The following GABRB2 variants were observed in gnomAD, a reference collection of about 807,000 sequenced individuals.
GABRB2 encodes the protein gamma-aminobutyric acid type A receptor subunit beta2, also known as gamma-aminobutyric acid receptor subunit beta-2.
Under a neutral mutation model 54.7 loss-of-function variants are expected in GABRB2, and 16 were observed. The ratio of observed to expected loss-of-function variants is 0.29; its 90% confidence interval spans 0.20 to 0.44. The LOEUF is 0.44. Ranked by LOEUF, GABRB2 falls within the 20% of genes least tolerant of loss-of-function variation. The pLI is 1.00. For missense variants in GABRB2, 355 were observed against 644.0 expected (o/e 0.55, Z 4.86); for synonymous variants, 244 against 233.8 (o/e 1.04, Z -0.40).
intron 3 of GABRB2, among the ~76,000 whole-genome samples, chr5:161,533,056 T>C (rs1346625803): frequency 6.6e-6 from 1 of 152,118 alleles, no homozygotes; most frequent in Non-Finnish European, 1.5e-5. Flanking sequence ...CATTTCATCT[T>C]CAATTGCCCA....
rs550722055 is a variant in GABRB2 at position 161,544,406 on chromosome 5, G to A, written c.237+821C>T. 2.6e-5 allele frequency among the ~76,000 whole-genome samples: 4 copies of A among 152,226 alleles called. No individual in the cohort carries two copies. The South Asian group carries it at 8.3e-4, about 32-fold the overall frequency. On this transcript the variant is annotated intron_variant, in intron 3 of 9. Transcript: ENST00000393959. ...GCCCCCAAGTATGTGGGGGCGTCTG[G>A]GACGCTTGTCATCGCATTGCATGTC... is the stretch of plus-strand genomic sequence containing the variant.
chr5:161,463,158 T>A (rs1373917358), intron 3 of GABRB2, among the ~76,000 whole-genome samples: 2 of 151,920 alleles, frequency 1.3e-5, no homozygotes, highest in South Asian at 2.1e-4. Context: ...CAACTAAAAA[T>A]TCTGGACGAA....
intron 5 of GABRB2, among the ~76,000 whole-genome samples, chr5:161,342,330 C>G (rs1431413219): frequency 6.6e-6 from 1 of 151,926 alleles, no homozygotes; most frequent in Non-Finnish European, 1.5e-5. Context: ...CACATACCCT[C>G]CATTTGTATT....
chr5:161,327,353 T>A (rs1758397793), intron 8 of GABRB2, among the ~76,000 whole-genome samples: 1 of 152,194 alleles, frequency 6.6e-6, no homozygotes, highest in Non-Finnish European at 1.5e-5. Context: ...TGGAATTAGC[T>A]TTTCAGTTTT....
intron 3 of GABRB2, among the ~76,000 whole-genome samples, chr5:161,523,088 C>A (rs1052503890): frequency 6.6e-6 from 1 of 150,542 alleles, no homozygotes; most frequent in Non-Finnish European, 1.5e-5. Context: ...ATATTCATAC[C>A]CAAATTATTC....
At chr5:161,345,318 CAG>C (rs1352538645) in intron 5 of GABRB2, among the ~76,000 whole-genome samples, 3 of 151,844 alleles carry the variant, frequency 2.0e-5, no homozygotes, top group Non-Finnish European at 4.4e-5. Context: ...AAAACCAAAA[CAG>C]AATAAAAAAA....
chr5:161,442,987 T>G (rs2097249667), intron 4 of GABRB2, among the ~76,000 whole-genome samples: 1 of 152,130 alleles, frequency 6.6e-6, no homozygotes, highest in Non-Finnish European at 1.5e-5. Context: ...ACATTCACGT[T>G]CAGTACCTGG....
chr5:161,307,069 C>A (rs1442949230), intron 9 of GABRB2, among the ~76,000 whole-genome samples: 1 of 152,126 alleles, frequency 6.6e-6, no homozygotes, highest in Admixed American at 6.5e-5. Context: ...TTGAATAGAA[C>A]CAAGGGATTT....
At chr5:161,338,410 C>T (rs534840497) in intron 5 of GABRB2, among the ~76,000 whole-genome samples, 6 of 152,252 alleles carry the variant, frequency 3.9e-5, no homozygotes, top group Admixed American at 1.3e-4. Flanking sequence ...ACTGATTATA[C>T]GTCAGCAATA....
intron 3 of GABRB2, among the ~76,000 whole-genome samples, chr5:161,497,530 ATGTGTG>A (rs71587162): frequency 3.3e-4 from 48 of 147,394 alleles, no homozygotes; most frequent in African/African-American, 1.2e-3. Context: ...GTGTGTGTAT[ATGTGTG>A]TGTGTGTGTG....
chr5:161,354,356 T>C (rs1353000047), intron 5 of GABRB2, among the ~76,000 whole-genome samples: 1 of 152,058 alleles, frequency 6.6e-6, no homozygotes, highest in Non-Finnish European at 1.5e-5. Context: ...TTATATATTC[T>C]TAGATATGGG....
intron 3 of GABRB2, among the ~76,000 whole-genome samples, chr5:161,529,399 C>A (rs1361879710): frequency 6.6e-6 from 1 of 151,960 alleles, no homozygotes; most frequent in Non-Finnish European, 1.5e-5. Context: ...TTCACATTTT[C>A]TTTCCCTTAA....
At chr5:161,335,265 G>C (rs1266382173) in intron 6 of GABRB2, among the ~76,000 whole-genome samples, 1 of 152,092 alleles carries the variant, frequency 6.6e-6, no homozygotes, top group Non-Finnish European at 1.5e-5. Context: ...TCTTATGTGA[G>C]AGTGAGGCTG....
At chr5:161,500,712 G>C (rs1240126983) in intron 3 of GABRB2, among the ~76,000 whole-genome samples, 3 of 152,146 alleles carry the variant, frequency 2.0e-5, no homozygotes, top group Non-Finnish European at 4.4e-5. Flanking sequence ...TTATTGATAA[G>C]TGAATTCCAT....
rs190578466 is a variant in GABRB2, at chr5:161,307,430, A to T, written c.1192-13002T>A. ...CACATTTTGTAGATGGTCTTTTGAA[A>T]GTAGCATCCTGAATTCCAGTGTAGA... On this transcript the variant is annotated intron_variant, in intron 9 of 9. Coordinates refer to ENST00000393959, the MANE Select transcript of GABRB2 (RefSeq NM_001371727.1). 2.3e-3 allele frequency among the ~76,000 whole-genome samples: 356 copies of T among 152,334 alleles called. 1 individual carries two copies. The highest frequency in any genetic ancestry group is 3.9e-3 in the Admixed American group (60 of 15,300).
At chr5:161,484,917 A>C (rs1182290662) in intron 3 of GABRB2, among the ~76,000 whole-genome samples, 3 of 151,958 alleles carry the variant, frequency 2.0e-5, no homozygotes, top group Non-Finnish European at 4.4e-5. Context: ...CATAGGGTTC[A>C]AACTTCTTAG....
At chr5:161,430,360 T>C (rs1371049804) in intron 4 of GABRB2, among the ~76,000 whole-genome samples, 5 of 152,192 alleles carry the variant, frequency 3.3e-5, no homozygotes, top group African/African-American at 1.2e-4. Context: ...CAGCCTTAAA[T>C]AATGTAGCAG....
intron 3 of GABRB2, among the ~76,000 whole-genome samples, chr5:161,498,354 T>A (rs1187406642): frequency 2.6e-5 from 4 of 152,222 alleles, no homozygotes; most frequent in East Asian, 1.9e-4. Flanking sequence ...TCTTTAGTTT[T>A]TTTTTTTTAG....
chr5:161,320,233 T>G (rs565459643), intron 9 of GABRB2, among the ~76,000 whole-genome samples: 2 of 152,028 alleles, frequency 1.3e-5, no homozygotes, highest in South Asian at 4.1e-4. Flanking sequence ...TAAAATTACT[T>G]GCTAGAAAGA....
Sources: gnomAD v4.1 joint callset for allele counts (sites outside exome capture counted in the v4.1 genomes callset) on GRCh38, gnomAD v4.1.1 for gene constraint, MANE v1.5 for transcripts, NCBI Gene and HGNC (gene_info 2026-07-23, HGNC 2026-07-21) for gene names.